Variants in DAPK2 observed in about 807,000 individuals in gnomAD.
DAPK2 encodes death-associated protein kinase 2.
A neutral mutation model predicts 44.1 loss-of-function variants in DAPK2; 35 were observed. The observed-to-expected ratio is 0.79, with a 90% CI of 0.61 to 1.05. DAPK2 has a LOEUF of 1.05. DAPK2 is among the 50% of genes least tolerant of loss of function. DAPK2 has a pLI of 0.00. For synonymous variants in DAPK2, 174 were observed against 182.6 expected (o/e 0.95, Z 0.38); for missense variants, 453 against 483.2 (o/e 0.94, Z 0.59).
chr15:64,018,676 T>C (rs2079601688), intron 1 of DAPK2, among the ~76,000 whole-genome samples: 2 of 152,232 alleles, frequency 1.3e-5, no homozygotes, highest in South Asian at 4.1e-4. Flanking sequence ...GATTCAGGGC[T>C]AACAAGGCCA....
Position 64,019,450 on chromosome 15 carries a change from C to T in DAPK2, c.92+20720G>A, listed in dbSNP as rs574302335. Among the ~76,000 whole-genome samples the T allele has an allele frequency of 2.0e-5, 3 of 152,322 alleles. No individual in the cohort carries two copies. In the South Asian group the frequency reaches 6.2e-4, roughly 32 times the overall value. ...ACTACCCAGTGTCCAGTAGGCAAAA[C>T]ACAAAGGTCTAAGGTACTTGCATGA... is the stretch of plus-strand genomic sequence containing the variant. On this transcript the variant is annotated intron_variant, in intron 1 of 10. Coordinates refer to ENST00000261891, the Ensembl canonical transcript of DAPK2.
At chr15:63,946,860 A>G (rs2077461822) in intron 3 of DAPK2, among the ~76,000 whole-genome samples, 1 of 152,212 alleles carries the variant, frequency 6.6e-6, no homozygotes, top group Admixed American at 6.5e-5. Flanking sequence ...TGTCAAGCAC[A>G]GCCCCAGATT....
rs2079145657 is a variant in DAPK2, at chr15:63,923,431, G to GCGGCCT, written c.858+1379_858+1384dup. On this transcript the variant is annotated intron_variant, in intron 8 of 10. Transcript: ENST00000261891. The surrounding 1 kb of genome is among the most constrained non-coding windows in gnomAD (Gnocchi z 4.2). ...CAAAGGGTAGGCAGAAGGCACACAAGCGGCCTCTGGCATTCACTGCATGCG... is the reference window on the plus strand; with the variant it reads ...CAAAGGGTAGGCAGAAGGCACACAAGCGGCCTCGGCCTCTGGCATTCACTGCATGCG... The GCGGCCT allele has an allele frequency of 6.8e-6, 10 of 1,473,546 alleles. No homozygotes were observed. The South Asian group carries it at 1.1e-4, about 16-fold the overall frequency. 91.3% of individuals were successfully genotyped at this position (1,473,546 alleles called of 1,614,324 possible). A position where few individuals can be genotyped will look rare whatever the true frequency, so the allele number is the denominator to read the frequency against.
chr15:64,002,442 TG>T (rs1567266059), intron 1 of DAPK2, among the ~76,000 whole-genome samples: 1 of 152,218 alleles, frequency 6.6e-6, no homozygotes, highest in Non-Finnish European at 1.5e-5. Context: ...CTATTGTCCC[TG>T]TGTCTTCCAT....
intron 1 of DAPK2, among the ~76,000 whole-genome samples, chr15:64,014,765 C>T (rs2079477509): frequency 6.6e-6 from 1 of 152,002 alleles, no homozygotes; most frequent in Non-Finnish European, 1.5e-5. Context: ...ACTAAAAATA[C>T]AAAAATTAGC....
intron 8 of DAPK2, chr15:63,922,976 G>A (rs1595710129): frequency 7.2e-6 from 11 of 1,535,878 alleles, no homozygotes; most frequent in East Asian, 2.4e-5. Context: ...GCTACATCCC[G>A]TGGCCTGGAT....
upstream of DAPK2, among the ~76,000 whole-genome samples, chr15:64,041,178 C>A (rs1411131187): frequency 6.6e-6 from 1 of 152,224 alleles, no homozygotes; most frequent in African/African-American, 2.4e-5. Context: ...ACTCATCAAC[C>A]CCAAAGGAAA....
At chr15:63,940,814 G>C (rs1417153974) in intron 3 of DAPK2, among the ~76,000 whole-genome samples, 1 of 152,064 alleles carries the variant, frequency 6.6e-6, no homozygotes, top group East Asian at 1.9e-4. Flanking sequence ...TTTATGCTAA[G>C]GGAAAGAACC....
chr15:63,926,325 G>A, intron 6 of DAPK2: 1 of 440,100 alleles, frequency 2.3e-6, no homozygotes, highest in South Asian at 3.3e-5. Flanking sequence ...GTCTTCAACG[G>A]ACTCAAAAGC....
chr15:64,031,377 C>T (rs376742692), intron 1 of DAPK2, among the ~76,000 whole-genome samples: 2 of 152,034 alleles, frequency 1.3e-5, no homozygotes, highest in African/African-American at 4.8e-5. Context: ...GGACTACAGG[C>T]GTGTGCCACC....
intron 4 of DAPK2, among the ~76,000 whole-genome samples, chr15:63,931,512 C>T (rs899334080): frequency 9.8e-5 from 15 of 152,298 alleles, no homozygotes; most frequent in Non-Finnish European, 1.9e-4. Flanking sequence ...AAGAAGAAGG[C>T]AGAGAAGAAC....
At chr15:64,031,930 T>C (rs968427410) in intron 1 of DAPK2, among the ~76,000 whole-genome samples, 3 of 152,236 alleles carry the variant, frequency 2.0e-5, no homozygotes, top group Non-Finnish European at 4.4e-5. Flanking sequence ...ATCCTGGACA[T>C]TCATGAATTC....
Position 63,939,485 on chromosome 15 carries a change from A to T in DAPK2, c.454-124T>A, listed in dbSNP as rs957324954. On this transcript the variant is annotated intron_variant, in intron 3 of 10. Transcript: ENST00000261891. The surrounding 1 kb of genome is among the most constrained non-coding windows in gnomAD (Gnocchi z 4.3). ...TGGGGTGGGACTTGGTGTTCTTTTT[A>T]GGAGACTGAAACAGCATAAACTCTT... 1.2e-6 allele frequency: 1 copy of T among 863,420 alleles called. No homozygotes were observed. Among genetic ancestry groups the T allele is most frequent in the African/African-American group, 1.7e-5 (1 of 58,322 alleles). The allele number at this position is 863,420 out of a possible 1,614,324, so 53.5% of individuals were successfully genotyped here.
At chr15:64,022,862 G>A (rs543391189) in intron 1 of DAPK2, among the ~76,000 whole-genome samples, 20 of 152,238 alleles carry the variant, frequency 1.3e-4, no homozygotes, top group East Asian at 5.8e-4. Context: ...CTAAAAGAGC[G>A]CACAGTCCCT....
At chr15:63,956,692 T>A (rs867865359) in intron 3 of DAPK2, among the ~76,000 whole-genome samples, 11 of 152,092 alleles carry the variant, frequency 7.2e-5, no homozygotes, top group Admixed American at 1.3e-4. Flanking sequence ...GTTCACACCA[T>A]TCTCCTGCCT....
intron 3 of DAPK2, among the ~76,000 whole-genome samples, chr15:63,969,214 T>A (rs2078139852): frequency 6.7e-6 from 1 of 148,598 alleles, no homozygotes; most frequent in Middle Eastern, 3.8e-3. Flanking sequence ...AGCCTAGGAG[T>A]TGCAGACCAG....
intron 1 of DAPK2, among the ~76,000 whole-genome samples, chr15:64,027,786 T>C (rs1375701177): frequency 6.6e-6 from 1 of 152,214 alleles, no homozygotes; most frequent in Non-Finnish European, 1.5e-5. Context: ...AATAAGTACA[T>C]GCTGATGACA....
At chr15:64,027,173 A>T (rs537749522) in intron 1 of DAPK2, among the ~76,000 whole-genome samples, 84 of 152,318 alleles carry the variant, frequency 5.5e-4, no homozygotes, top group African/African-American at 2.0e-3. Flanking sequence ...ATCTGAGGTC[A>T]GGAATTCGAG....
rs2078488510 is a variant in DAPK2, at chr15:63,980,898, T to G, written c.314+2635A>C. Among the ~76,000 whole-genome samples the G allele has an allele frequency of 6.6e-6, 1 of 152,180 alleles. No individual in the cohort carries two copies. The highest frequency in any genetic ancestry group is 1.5e-5 in the Non-Finnish European group (1 of 68,032). ...TAAGGTCAGGAGTTCGAGACCAGCC[T>G]GGCCAACATGGAGAAACCCCATCTC... On this transcript the variant is annotated intron_variant, in intron 2 of 10. Coordinates refer to ENST00000261891, the Ensembl canonical transcript of DAPK2. This position sits in a 1 kb window ranked among gnomAD's most constrained non-coding sequence, Gnocchi z 4.3.
Sources: gnomAD v4.1 joint callset for allele counts (sites outside exome capture counted in the v4.1 genomes callset) on GRCh38, gnomAD v4.1.1 for gene constraint, Gnocchi (gnomAD v3.1) non-coding constraint, MANE v1.5 for transcripts, NCBI Gene and HGNC (gene_info 2026-07-23, HGNC 2026-07-21) for gene names.